Variants in PARD3B observed in about 807,000 individuals in gnomAD.
PARD3B encodes partitioning defective 3 homolog B.
A neutral mutation model predicts 130.2 loss-of-function variants in PARD3B; 103 were observed. The observed-to-expected ratio is 0.79, with a 90% CI of 0.67 to 0.93. The LOEUF (loss-of-function observed/expected upper bound fraction) is 0.93, where lower values mean the gene tolerates loss of function less well. PARD3B is among the 40% of genes least tolerant of loss of function. The pLI is 0.00. For missense variants in PARD3B, 1,609 were observed against 1,499.2 expected (o/e 1.07, Z -1.21); for synonymous variants, 583 against 553.2 (o/e 1.05, Z -0.76).
At chr2:205,092,368 A>G (rs557163324) in intron 4 of PARD3B, among the ~76,000 whole-genome samples, 2 of 152,140 alleles carry the variant, frequency 1.3e-5, no homozygotes, top group Non-Finnish European at 2.9e-5. Flanking sequence ...GTCTCACTTC[A>G]TAGGGTTGCC....
intron 18 of PARD3B, among the ~76,000 whole-genome samples, chr2:205,369,938 C>T (rs1489024035): frequency 6.6e-6 from 1 of 152,164 alleles, no homozygotes; most frequent in Non-Finnish European, 1.5e-5. Context: ...TAGCTAGCAG[C>T]AAGTCAGACC....
In PARD3B at chr2:205,176,255, C is replaced by T. The variant is rs2125761193; in HGVS notation, c.1792-190C>T. On this transcript the variant is annotated intron_variant, in intron 12 of 22. Coordinates refer to ENST00000406610, the MANE Select transcript of PARD3B (RefSeq NM_001302769.2). The surrounding 1 kb of genome is among the most constrained non-coding windows in gnomAD (Gnocchi z 5.3). ...CTCCTAATCCTTAGCACCACAGTGT[C>T]AGTACTTTTTATTTTAGACTCAAAG... Among the ~76,000 whole-genome samples the T allele has an allele frequency of 6.6e-6, 1 of 152,260 alleles. No homozygotes were observed. The highest frequency in any genetic ancestry group is 3.4e-3 in the Middle Eastern group (1 of 294).
chr2:204,694,586 C>T lies in PARD3B; in HGVS notation c.222+8304C>T, dbSNP rs551052257. On this transcript the variant is annotated intron_variant, in intron 2 of 22. Transcript: ENST00000406610. ...TTTTTCTTCCACCAAACTACGTTGTCTCTTTGAAATATTTTATTAGGAGAC... is the reference window on the plus strand; with the variant it reads ...TTTTTCTTCCACCAAACTACGTTGTTTCTTTGAAATATTTTATTAGGAGAC... Among the ~76,000 whole-genome samples the T allele has an allele frequency of 1.4e-4, 21 of 152,140 alleles. 1 individual carries two copies. The South Asian group carries it at 4.1e-3, about 30-fold the overall frequency.
chr2:205,575,084 G>GACACACACACAC lies in PARD3B; in HGVS notation c.3260+21700_3260+21711dup, dbSNP rs3077829. 4.8e-4 allele frequency among the ~76,000 whole-genome samples: 62 copies of GACACACACACAC among 128,580 alleles called. No individual in the cohort carries two copies. Among genetic ancestry groups the GACACACACACAC allele is most frequent in the Admixed American group, 1.2e-3 (16 of 13,188 alleles). The allele number at this position is 128,580 out of a possible 152,430, so 84.4% of individuals were successfully genotyped here. A position where few individuals can be genotyped will look rare whatever the true frequency, so the allele number is the denominator to read the frequency against. ...AATACATTATATACACATTTAAATA[G>GACACACACACAC]ACACACACACACACACACACACACA... On this transcript the variant is annotated intron_variant, in intron 22 of 22. Coordinates refer to ENST00000406610, the MANE Select transcript of PARD3B (RefSeq NM_001302769.2). This position sits in a 1 kb window ranked among gnomAD's most constrained non-coding sequence, Gnocchi z 4.6.
chr2:204,736,180 CAG>C (rs2039741281), intron 2 of PARD3B, among the ~76,000 whole-genome samples: 3 of 149,508 alleles, frequency 2.0e-5, no homozygotes, highest in South Asian at 2.1e-4. Context: ...TTTTTTTGGT[CAG>C]AAACTAAAGA....
chr2:205,019,852 C>T (rs1696464799), intron 3 of PARD3B, among the ~76,000 whole-genome samples: 2 of 152,236 alleles, frequency 1.3e-5, no homozygotes, highest in South Asian at 2.1e-4. Flanking sequence ...GGTTAGAGAA[C>T]TGTCTGAGAG....
chr2:205,425,820 C>T (rs916083675), intron 19 of PARD3B, among the ~76,000 whole-genome samples: 11 of 152,082 alleles, frequency 7.2e-5, no homozygotes, highest in Admixed American at 6.6e-4. Flanking sequence ...TTTGGCAAAC[C>T]ATGGACTGTA....
chr2:205,116,053 A>G lies in PARD3B; in HGVS notation c.680+2476A>G, dbSNP rs1426094446. On this transcript the variant is annotated intron_variant, in intron 6 of 22. Transcript: ENST00000406610. The surrounding 1 kb of genome is among the most constrained non-coding windows in gnomAD (Gnocchi z 4.5). Reference sequence around the variant, plus strand: ...GGCTGCTCTGCTAGATAAAGCCTCAATGAATTCATTAGATACCATCGCAGA... The same window carrying G: ...GGCTGCTCTGCTAGATAAAGCCTCAGTGAATTCATTAGATACCATCGCAGA... 6.6e-6 allele frequency among the ~76,000 whole-genome samples: 1 copy of G among 152,122 alleles called. No homozygotes were observed. The highest frequency in any genetic ancestry group is 1.5e-5 in the Non-Finnish European group (1 of 68,034).
Position 205,341,143 on chromosome 2 carries a change from G to A in PARD3B, c.2630+39442G>A, listed in dbSNP as rs1310275825. Among the ~76,000 whole-genome samples, 1 of 152,082 alleles carries A rather than the reference G, an allele frequency of 6.6e-6. No homozygotes were observed. Among genetic ancestry groups the A allele is most frequent in the East Asian group, 1.9e-4 (1 of 5,186 alleles). On this transcript the variant is annotated intron_variant, in intron 18 of 22. Transcript: ENST00000406610. This position sits in a 1 kb window ranked among gnomAD's most constrained non-coding sequence, Gnocchi z 4.3. ...AAGGGAACTCTTAGACACTGTTGGT[G>A]GGGATGTAAATTAGTAGAACCATTA...
At chr2:204,974,081 A>G (rs928309957) in intron 3 of PARD3B, among the ~76,000 whole-genome samples, 18 of 152,212 alleles carry the variant, frequency 1.2e-4, no homozygotes, top group African/African-American at 4.3e-4. Context: ...TCGCTATCAG[A>G]AAATACCAGT....
intron 2 of PARD3B, among the ~76,000 whole-genome samples, chr2:204,827,126 A>G (rs1013247678): frequency 7.2e-5 from 11 of 152,244 alleles, no homozygotes; most frequent in African/African-American, 2.7e-4. Context: ...TGCTCAGAAA[A>G]TAAAAACTAG....
chr2:205,539,186 T>C (rs1445837991), intron 21 of PARD3B, among the ~76,000 whole-genome samples: 2 of 152,176 alleles, frequency 1.3e-5, no homozygotes, highest in African/African-American at 4.8e-5. Flanking sequence ...TTTAGGATTG[T>C]CTGACCTACC....
intron 18 of PARD3B, among the ~76,000 whole-genome samples, chr2:205,354,997 A>T (rs2044140070): frequency 6.6e-6 from 1 of 152,104 alleles, no homozygotes; most frequent in African/African-American, 2.4e-5. Context: ...ATAAAATAGG[A>T]CTTTGTTTAA....
intron 1 of PARD3B, chr2:204,557,952 T>A (rs939160637): frequency 6.6e-6 from 1 of 152,206 alleles, no homozygotes; most frequent in African/African-American, 2.4e-5. Context: ...ATTTTCAGCA[T>A]TCATTAATTT....
intron 21 of PARD3B, among the ~76,000 whole-genome samples, chr2:205,548,413 A>G (rs1178851735): frequency 6.6e-6 from 1 of 152,036 alleles, no homozygotes; most frequent in Non-Finnish European, 1.5e-5. Context: ...TCTGTCCTTC[A>G]TTTATTCCTG....
At chr2:204,772,814 G>A (rs2041446720) in intron 2 of PARD3B, among the ~76,000 whole-genome samples, 2 of 152,210 alleles carry the variant, frequency 1.3e-5, no homozygotes, top group East Asian at 1.9e-4. Flanking sequence ...AAAACAACAC[G>A]TGTTACAGCT....
rs1010620489 is a variant in PARD3B at position 205,160,648 on chromosome 2, G to A, written c.1620+1741G>A. 6.6e-5 allele frequency among the ~76,000 whole-genome samples: 10 copies of A among 152,188 alleles called. No homozygotes were observed. The highest frequency in any genetic ancestry group is 1.9e-4 in the East Asian group (1 of 5,202). On this transcript the variant is annotated intron_variant, in intron 11 of 22. Coordinates refer to ENST00000406610, the MANE Select transcript of PARD3B (RefSeq NM_001302769.2). The surrounding 1 kb of genome is among the most constrained non-coding windows in gnomAD (Gnocchi z 4.0). Reference sequence around the variant, plus strand: ...GAAATACATAAGCAGGAGCAAAAGCGAAATAGTAGTAATAGCAACAACAAC... The same window carrying A: ...GAAATACATAAGCAGGAGCAAAAGCAAAATAGTAGTAATAGCAACAACAAC...
intron 2 of PARD3B, among the ~76,000 whole-genome samples, chr2:204,873,229 T>A (rs1012676774): frequency 2.0e-5 from 3 of 152,210 alleles, no homozygotes; most frequent in African/African-American, 7.2e-5. Flanking sequence ...TTTTTCTTGC[T>A]TTACACACAA....
In PARD3B at chr2:204,943,075, A is replaced by G. The variant is rs931299597; in HGVS notation, c.223-22077A>G. Among the ~76,000 whole-genome samples, 8 of 152,138 alleles carry G rather than the reference A, an allele frequency of 5.3e-5. No individual in the cohort carries two copies. Among genetic ancestry groups the G allele is most frequent in the Non-Finnish European group, 1.2e-4 (8 of 68,032 alleles). On this transcript the variant is annotated intron_variant, in intron 2 of 22. Transcript: ENST00000406610. This position sits in a 1 kb window ranked among gnomAD's most constrained non-coding sequence, Gnocchi z 4.2. Reference sequence around the variant, plus strand: ...GAAAGACTTTGTGTAAAAAGACAAGAAAGACTTTGTGTAAATACACCTCTT... The same window carrying G: ...GAAAGACTTTGTGTAAAAAGACAAGGAAGACTTTGTGTAAATACACCTCTT...
Sources: allele counts gnomAD v4.1 joint callset (sites outside exome capture counted in the v4.1 genomes callset), GRCh38; gene constraint gnomAD v4.1.1; non-coding constraint Gnocchi (gnomAD v3.1); transcripts MANE v1.5; gene names NCBI Gene and HGNC (gene_info 2026-07-23, HGNC 2026-07-21).